IGDCC4: variants seen among roughly 807,000 people sequenced by gnomAD.
IGDCC4 encodes immunoglobulin superfamily DCC subclass member 4.
Under a neutral mutation model 116.6 loss-of-function variants are expected in IGDCC4, and 72 were observed. The ratio of observed to expected loss-of-function variants is 0.62; its 90% CI spans 0.51 to 0.75. The LOEUF is 0.75. IGDCC4 is among the 30% of genes least tolerant of loss of function. The pLI is 0.00. For missense variants in IGDCC4, 1,501 were observed against 1,662.4 expected (o/e 0.90, Z 1.69); for synonymous variants, 709 against 719.9 (o/e 0.98, Z 0.24).
In IGDCC4 at chr15:65,385,034, C is replaced by A; in HGVS notation, c.3262G>T (p.Ala1088Ser). Residue 1088 changes from alanine to serine, a missense_variant, in exon 19 of 20, where the codon GCT (alanine) becomes TCT (serine). Transcript: ENST00000352385. The stretch of plus-strand genomic sequence containing the variant: ...GGGGGCAGCAGGGCCCGGGTCAGAG[C>A]CGGCCGGGGGCCTGCCTGGGGCAGC... ...CELPQAGPRPALTRALLPPAG... is the reference protein window; with the variant it reads ...CELPQAGPRPSLTRALLPPAG... The A allele has an allele frequency of 1.2e-6, 2 of 1,605,374 alleles. No individual in the cohort carries two copies. Among genetic ancestry groups the A allele is most frequent in the Non-Finnish European group, 1.7e-6 (2 of 1,177,346 alleles).
chr15:65,381,941 A>G lies in IGDCC4; in HGVS notation c.*2068T>C, dbSNP rs758249675. ...GAGAAACAATTTTCCACCCAACCTA[A>G]TGGGTTATAAATTGTCTCATTTGCA... On this transcript the variant is annotated 3_prime_UTR_variant, in exon 20 of 20. Transcript: ENST00000352385. 2 of 152,578 alleles carry G rather than the reference A, an allele frequency of 1.3e-5. No individual in the cohort carries two copies. The highest frequency in any genetic ancestry group is 6.6e-5 in the Admixed American group (1 of 15,264). The allele number at this position is 152,578 out of a possible 1,614,324, so 9.5% of individuals were successfully genotyped here. A position where few individuals can be genotyped will look rare whatever the true frequency, so the allele number is the denominator to read the frequency against.
In IGDCC4 at chr15:65,385,033, G is replaced by A; in HGVS notation, c.3263C>T (p.Ala1088Val). 1.2e-6 allele frequency: 2 copies of A among 1,605,450 alleles called. No individual in the cohort carries two copies. The highest frequency in any genetic ancestry group is 1.7e-6 in the Non-Finnish European group (2 of 1,177,380). ...AGGGGGCAGCAGGGCCCGGGTCAGA[G>A]CCGGCCGGGGGCCTGCCTGGGGCAG... ...CELPQAGPRP[A>V]LTRALLPPAG... The change falls in exon 19 of 20, where the codon GCT becomes GTT. Residue 1088 changes from alanine (A) to valine (V), a missense_variant. Ala to Val is a moderately conservative substitution (Grantham distance 64). Transcript: ENST00000352385.
intron 18 of IGDCC4, chr15:65,385,376 A>T: frequency 1.8e-6 from 1 of 546,414 alleles, no homozygotes; most frequent in Non-Finnish European, 3.2e-6. Flanking sequence ...AGGCGGGGAG[A>T]GGGTGAGGGA....
Position 65,396,087 on chromosome 15 carries a change from C to T in IGDCC4, c.1074G>A (p.Ala358=). Residue 358 remains alanine (A), a synonymous_variant, in exon 7 of 20, where the codon GCG becomes GCA. Transcript: ENST00000352385. ...GCAGCGCTGGCCGCGGCTCCCCCGA[C>T]GCGCGGCACACGAAGCGCGCTGTGC... ...RASTARFVCR[A]SGEPRPALRW... 7.2e-7 allele frequency: 1 copy of T among 1,385,014 alleles called. No individual in the cohort carries two copies. The highest frequency in any genetic ancestry group is 1.6e-5 in the South Asian group (1 of 61,694). The allele number at this position is 1,385,014 out of a possible 1,614,324, so 85.8% of individuals were successfully genotyped here.
chr15:65,395,171 T>A lies in IGDCC4; in HGVS notation c.1499A>T (p.Glu500Val). The A allele has an allele frequency of 6.2e-7, 1 of 1,613,944 alleles. No homozygotes were observed. The highest frequency in any genetic ancestry group is 8.5e-7 in the Non-Finnish European group (1 of 1,179,926). Residue 500 changes from glutamate to valine, a missense_variant, in exon 8 of 20, where the codon GAG (glutamate) becomes GTG (valine). By Grantham distance (121) the Glu-to-Val change is moderately radical. This residue lies in a region of IGDCC4 where 898 missense variants were observed against 978.9 expected (regional missense o/e 0.92). Coordinates refer to ENST00000352385, the MANE Select transcript of IGDCC4 (RefSeq NM_020962.3). Reference sequence around the variant, plus strand: ...CTGGGAGTAGGCCACCACGTAGAACTCATAATCTGTGTTGGGTTCCAGGTC... The same window carrying A: ...CTGGGAGTAGGCCACCACGTAGAACACATAATCTGTGTTGGGTTCCAGGTC... The part of the protein sequence containing the change: ...VRDLEPNTDY[E>V]FYVVAYSQLG...
chr15:65,402,201 C>A (rs1446063456), intron 4 of IGDCC4, 150 bp downstream of exon 4: 4 of 918,334 alleles, frequency 4.4e-6, no homozygotes, highest in Non-Finnish European at 6.3e-6. Flanking sequence ...GTGGCAGTAC[C>A]CTCTCTGGGC....
chr15:65,412,511 C>CAAAAAAAAAAAAAAAAAAAAAAAAAAA lies in IGDCC4; in HGVS notation c.71-1168_71-1142dup, dbSNP rs3082805. The stretch of plus-strand genomic sequence containing the variant: ...TGGGTGACAGAATGAGATTCCATCT[C>CAAAAAAAAAAAAAAAAAAAAAAAAAAA]AAAAAAAAAAAAAAAAAAAAAAAAA... On this transcript the variant is annotated intron_variant, in intron 1 of 19. Coordinates refer to ENST00000352385, the MANE Select transcript of IGDCC4 (RefSeq NM_020962.3). Among the ~76,000 whole-genome samples, 2 of 16,720 alleles carry CAAAAAAAAAAAAAAAAAAAAAAAAAAA rather than the reference C, an allele frequency of 1.2e-4. 1 individual carries two copies. The highest frequency in any genetic ancestry group is 3.7e-4 in the African/African-American group (2 of 5,438). The allele number at this position is 16,720 out of a possible 152,430, so 11.0% of individuals were successfully genotyped here. A position where few individuals can be genotyped will look rare whatever the true frequency, so the allele number is the denominator to read the frequency against.
intron 18 of IGDCC4, 95 bp downstream of exon 18, chr15:65,385,733 AGAG>A: frequency 9.9e-7 from 1 of 1,006,240 alleles, no homozygotes; most frequent in South Asian, 1.3e-5. Flanking sequence ...CCGGCTCCGA[AGAG>A]GAGGTAGAGC....
At chr15:65,398,213 C>T (rs1019701936) in intron 5 of IGDCC4, among the ~76,000 whole-genome samples, 29 of 152,122 alleles carry the variant, frequency 1.9e-4, no homozygotes, top group South Asian at 8.3e-4. Flanking sequence ...TAGTTTTCTA[C>T]GGTGAACATG....
In IGDCC4 at chr15:65,395,157, C is replaced by A; in HGVS notation, c.1513G>T (p.Ala505Ser). 3.7e-6 allele frequency: 6 copies of A among 1,613,880 alleles called. No homozygotes were observed. Among genetic ancestry groups the A allele is most frequent in the Non-Finnish European group, 5.1e-6 (6 of 1,179,874 alleles). The part of the protein sequence containing the change: ...PNTDYEFYVV[A>S]YSQLGASRTS... ...CGGCTGGCTCCCAGCTGGGAGTAGG[C>A]CACCACGTAGAACTCATAATCTGTG... The change falls in exon 8 of 20, where the codon GCC (alanine) becomes TCC (serine). Residue 505 changes from alanine to serine, a missense_variant. Around this residue, in one of 3 missense-constraint regions of IGDCC4, gnomAD observed 898 missense variants for 978.9 expected, o/e 0.92. Transcript: ENST00000352385.
At position 65,393,413 on chromosome 15, in the gene IGDCC4, G is replaced by A. The variant is rs1336723448; in HGVS notation, c.1833C>T (p.Ala611=). 2.5e-6 allele frequency: 4 copies of A among 1,613,418 alleles called. No homozygotes were observed. The highest frequency in any genetic ancestry group is 2.5e-6 in the Non-Finnish European group (3 of 1,179,758). ...ISAGTAAGFG[A]PSQWMHHRTP... is the part of the protein sequence containing the mutation. ...TCCTGTGATGCATCCACTGGGAGGG[G>A]GCCCCGAAGCCGGCTGCTGTACCAG... Residue 611 remains alanine (A), a synonymous_variant, in exon 10 of 20, where the codon GCC becomes GCT. Coordinates refer to ENST00000352385, the MANE Select transcript of IGDCC4 (RefSeq NM_020962.3). This position sits in a 1 kb window ranked among gnomAD's most constrained non-coding sequence, Gnocchi z 4.6.
chr15:65,402,363 C>T lies in IGDCC4; in HGVS notation c.688G>A (p.Val230Met), dbSNP rs1181440511. 7 of 1,569,252 alleles carry T rather than the reference C, an allele frequency of 4.5e-6. No homozygotes were observed. The highest frequency in any genetic ancestry group is 6.1e-6 in the Non-Finnish European group (7 of 1,156,300). ...QHFSQEALLS[V>M]AHRGSLASTR... ...CCAGCCCCCTTACCTCTGTGGGCCA[C>T]ACTGAGTAGGGCCTCCTGGCTGAAG... Residue 230 changes from valine (V) to methionine (M), a missense_variant, in exon 4 of 20, where the codon GTG (valine) becomes ATG (methionine). Physicochemically the swap from Val to Met is conservative, Grantham distance 21. Coordinates refer to ENST00000352385, the MANE Select transcript of IGDCC4 (RefSeq NM_020962.3).
Position 65,386,545 on chromosome 15 carries a change from G to T in IGDCC4, c.2951+6C>A, listed in dbSNP as rs768517777. ...TCCCTGAAGTCAGACTGGCTCCCCT[G>T]CTCACCTGTGGGGGCTGCGGCGCAG... is the stretch of plus-strand genomic sequence containing the variant. On this transcript the variant is annotated splice_donor_region_variant and intron_variant, in intron 17 of 19. Transcript: ENST00000352385. 51 of 1,591,580 alleles carry T rather than the reference G, an allele frequency of 3.2e-5. No homozygotes were observed. The highest frequency in any genetic ancestry group is 4.0e-5 in the African/African-American group (3 of 74,830).
chr15:65,417,778 G>A (rs1269483732), intron 1 of IGDCC4, among the ~76,000 whole-genome samples: 3 of 152,052 alleles, frequency 2.0e-5, no homozygotes, highest in African/African-American at 7.2e-5. Context: ...GTATTTTTTG[G>A]TAGGACGGGA....
intron 6 of IGDCC4, 80 bp from the exon 7 acceptor site, chr15:65,396,243 C>G (rs756098918): frequency 1.9e-5 from 25 of 1,341,622 alleles, no homozygotes; most frequent in South Asian, 1.3e-5. Flanking sequence ...CCAAGCCTGC[C>G]CCCCACCGCC....
At chr15:65,421,949 G>C (rs977191135) in intron 1 of IGDCC4, among the ~76,000 whole-genome samples, 1 of 151,956 alleles carries the variant, frequency 6.6e-6, no homozygotes, top group Non-Finnish European at 1.5e-5. Context: ...GACTTACCCC[G>C]TACCCACTCC....
At chr15:65,396,350 T>G in intron 6 of IGDCC4, 187 bp from the exon 7 acceptor site, 2 of 704,272 alleles carry the variant, frequency 2.8e-6, no homozygotes, top group Non-Finnish European at 5.1e-6. Context: ...TTCTCCCCAT[T>G]TACCCCAGCC....
chr15:65,386,066 GGGAAGAC>G lies in IGDCC4; in HGVS notation c.2952-14_2952-8del. On this transcript the variant is annotated splice_region_variant and splice_polypyrimidine_tract_variant and intron_variant, in intron 17 of 19. Transcript: ENST00000352385. The stretch of plus-strand genomic sequence containing the variant: ...CAGGCCTGGGAGGGATTCCCTGGAA[GGGAAGAC>G]GGAAAACAAGGCATAGCGGTCAGAG... 6.7e-7 allele frequency: 1 copy of G among 1,482,732 alleles called. No individual in the cohort carries two copies. The highest frequency in any genetic ancestry group is 9.0e-7 in the Non-Finnish European group (1 of 1,114,258). 91.8% of individuals were successfully genotyped at this position (1,482,732 alleles called of 1,614,324 possible).
intron 3 of IGDCC4, among the ~76,000 whole-genome samples, chr15:65,403,296 T>C (rs1279517445): frequency 6.6e-6 from 1 of 152,198 alleles, no homozygotes; most frequent in Non-Finnish European, 1.5e-5. Flanking sequence ...CAAAACAATA[T>C]GTTTGGGGAC....
Sources: allele counts gnomAD v4.1 joint callset (sites outside exome capture counted in the v4.1 genomes callset), GRCh38; gene constraint gnomAD v4.1.1; regional missense constraint gnomAD v4.1.1; non-coding constraint Gnocchi (gnomAD v3.1); transcripts MANE v1.5; gene names NCBI Gene and HGNC (gene_info 2026-07-23, HGNC 2026-07-21).